DIP2C: variants seen among roughly 807,000 people sequenced by gnomAD.
The protein encoded by DIP2C is disco-interacting protein 2 homolog C.
DIP2C carries 33 observed loss-of-function variants against 192.4 expected under a neutral mutation model. That is an observed-to-expected ratio of 0.17 (90% CI 0.13 to 0.23). The LOEUF is 0.23. DIP2C is among the 10% of genes least tolerant of loss of function. DIP2C has a pLI of 1.00. For missense variants in DIP2C, 1,537 were observed against 2,110.1 expected, an observed-to-expected ratio of 0.73 and a Z score of 5.32; for synonymous variants, 979 against 864.1, an observed-to-expected ratio of 1.13 and a Z score of -2.33.
chr10:296,926 A>G (rs1369501921), intron 32 of DIP2C, among the ~76,000 whole-genome samples: 1 of 150,304 alleles, frequency 6.7e-6, no homozygotes, highest in East Asian at 2.0e-4. Context: ...ATTAGGAGAT[A>G]TACCTAATGT....
At chr10:470,540 T>C (rs1161700606) in intron 3 of DIP2C, among the ~76,000 whole-genome samples, 2 of 152,012 alleles carry the variant, frequency 1.3e-5, no homozygotes, top group Non-Finnish European at 2.9e-5. Flanking sequence ...CACCCACCTC[T>C]CTCAGGCTTT....
chr10:565,851 C>T (rs980713089), intron 1 of DIP2C, among the ~76,000 whole-genome samples: 2 of 152,324 alleles, frequency 1.3e-5, no homozygotes, highest in African/African-American at 4.8e-5. Context: ...TAACTGAGTC[C>T]AAGGGTGGAA....
chr10:283,649 T>C (rs1235133334), intron 34 of DIP2C, among the ~76,000 whole-genome samples: 1 of 152,164 alleles, frequency 6.6e-6, no homozygotes, highest in East Asian at 1.9e-4. Context: ...TCTACCAAGT[T>C]TGTGGCCAAG....
intron 3 of DIP2C, among the ~76,000 whole-genome samples, chr10:449,917 C>CAAAAAAA (rs1287942290): frequency 2.2e-4 from 5 of 22,532 alleles, no homozygotes; most frequent in African/African-American, 5.4e-4. Flanking sequence ...CAGTCAACAA[C>CAAAAAAA]AACAAAAAAA....
At chr10:354,007 C>T (rs778780547) in intron 24 of DIP2C, among the ~76,000 whole-genome samples, 3 of 152,240 alleles carry the variant, frequency 2.0e-5, no homozygotes, top group African/African-American at 7.2e-5. Flanking sequence ...GGTCCAGGCC[C>T]AGCATCTCTT....
intron 16 of DIP2C, among the ~76,000 whole-genome samples, chr10:383,607 A>C (rs1962584365): frequency 6.6e-6 from 1 of 152,234 alleles, no homozygotes; most frequent in Admixed American, 6.5e-5. Context: ...TATACACCAA[A>C]AAGTACTAGC....
intron 1 of DIP2C, among the ~76,000 whole-genome samples, chr10:582,881 T>C (rs1369605807): frequency 2.6e-5 from 4 of 152,168 alleles, no homozygotes; most frequent in Admixed American, 1.3e-4. Context: ...TATGATATAG[T>C]CTCAAAACAA....
intron 1 of DIP2C, among the ~76,000 whole-genome samples, chr10:535,546 C>T (rs1847649975): frequency 1.3e-5 from 2 of 152,030 alleles, no homozygotes; most frequent in Non-Finnish European, 2.9e-5. Flanking sequence ...TTACCTTAAG[C>T]TAAAAATGGT....
intron 3 of DIP2C, among the ~76,000 whole-genome samples, chr10:454,709 C>T (rs1247507673): frequency 2.6e-5 from 4 of 151,660 alleles, no homozygotes. Flanking sequence ...GGGATAAAAA[C>T]ATCAGCACCC....
At chr10:325,048 G>A (rs6560825) in intron 31 of DIP2C, 7,886 of 476,746 alleles carry the variant, frequency 0.017, 155 homozygotes, top group African/African-American at 0.063. Flanking sequence ...GGCGGATCAT[G>A]AGGTCAGGAG....
At chr10:578,787 A>G (rs975887775) in intron 1 of DIP2C, among the ~76,000 whole-genome samples, 4 of 143,262 alleles carry the variant, frequency 2.8e-5, no homozygotes, top group Middle Eastern at 3.4e-3. Context: ...GTGTACAAGC[A>G]TAAGTGCACT....
chr10:558,974 C>A (rs1287437109), intron 1 of DIP2C, among the ~76,000 whole-genome samples: 1 of 151,750 alleles, frequency 6.6e-6, no homozygotes, highest in Non-Finnish European at 1.5e-5. Context: ...GACCACCCCA[C>A]CCCCTCCACA....
chr10:407,425 T>C (rs1203199796), intron 9 of DIP2C, among the ~76,000 whole-genome samples: 1 of 152,176 alleles, frequency 6.6e-6, no homozygotes, highest in Non-Finnish European at 1.5e-5. Flanking sequence ...AGACTCTGTT[T>C]TCAATCCTTT....
intron 17 of DIP2C, among the ~76,000 whole-genome samples, chr10:372,949 G>A (rs1398355378): frequency 6.6e-6 from 1 of 152,256 alleles, no homozygotes; most frequent in African/African-American, 2.4e-5. Flanking sequence ...AGTGCCCCAG[G>A]GGTACCCTCC....
intron 19 of DIP2C, among the ~76,000 whole-genome samples, chr10:366,011 C>A (rs1025428392): frequency 2.0e-5 from 3 of 152,218 alleles, no homozygotes; most frequent in Admixed American, 2.0e-4. Flanking sequence ...CCACTTTTCA[C>A]AGTAAAAGTG....
intron 1 of DIP2C, among the ~76,000 whole-genome samples, chr10:682,822 G>A (rs1193834578): frequency 6.6e-6 from 1 of 151,702 alleles, no homozygotes; most frequent in Non-Finnish European, 1.5e-5. Flanking sequence ...ATTAGTTTGG[G>A]TCCGGCCCAC....
At chr10:483,117 T>A (rs369346314) in intron 2 of DIP2C, among the ~76,000 whole-genome samples, 5 of 152,330 alleles carry the variant, frequency 3.3e-5, no homozygotes, top group East Asian at 1.9e-4. Context: ...CGTGCCTGGC[T>A]GGCCTAGGGA....
chr10:465,303 T>C (rs1246038326), intron 3 of DIP2C, among the ~76,000 whole-genome samples: 32 of 144,158 alleles, frequency 2.2e-4, no homozygotes, highest in African/African-American at 7.5e-4. Context: ...ATTATCTCAA[T>C]AGATGCAGAA....
intron 1 of DIP2C, among the ~76,000 whole-genome samples, chr10:659,126 G>A (rs1564316282): frequency 6.6e-6 from 1 of 151,970 alleles, no homozygotes; most frequent in Non-Finnish European, 1.5e-5. Context: ...ATACATTCTG[G>A]CACACACAAA....
Sources: allele counts gnomAD v4.1 joint callset (sites outside exome capture counted in the v4.1 genomes callset), GRCh38; gene constraint gnomAD v4.1.1; transcripts MANE v1.5; gene names NCBI Gene and HGNC (gene_info 2026-07-23, HGNC 2026-07-21).